GAPVD1: variants seen among roughly 807,000 people sequenced by gnomAD.
GAPVD1 encodes GTPase activating protein and VPS9 domains 1, also known as GTPase-activating protein and VPS9 domain-containing protein 1.
A neutral mutation model predicts 155.5 loss-of-function variants in GAPVD1; 35 were observed. The observed-to-expected ratio is 0.23, with a 90% CI of 0.17 to 0.30. GAPVD1 has a LOEUF of 0.30. GAPVD1 is among the 10% of genes least tolerant of loss of function. GAPVD1 has a pLI of 1.00. For missense variants in GAPVD1, 1,429 were observed against 1,775.7 expected (o/e 0.80, Z 3.51); for synonymous variants, 636 against 619.7 (o/e 1.03, Z -0.39).
At position 125,367,122 on chromosome 9, in the gene GAPVD1, A is replaced by ATTGTACATATAC. The variant is rs1851507401; in HGVS notation, c.*4376_*4377insTTGTACATATAC. On this transcript the variant is annotated 3_prime_UTR_variant, in exon 28 of 28. Transcript: ENST00000297933. ...TTGCACAATCTTGTATATGTACAGG[A>ATTGTACATATAC]AACCCCTCCTGTCTCCTAATGTGAT... 1 of 152,332 alleles carries ATTGTACATATAC rather than the reference A, an allele frequency of 6.6e-6. No individual in the cohort carries two copies. The highest frequency in any genetic ancestry group is 2.4e-5 in the African/African-American group (1 of 41,598). The allele number at this position is 152,332 out of a possible 1,614,324, so 9.4% of individuals were successfully genotyped here. A position where few individuals can be genotyped will look rare whatever the true frequency, so the allele number is the denominator to read the frequency against.
At chr9:125,357,990 C>A (rs1158791021) in intron 25 of GAPVD1, among the ~76,000 whole-genome samples, 2 of 151,198 alleles carry the variant, frequency 1.3e-5, no homozygotes, top group African/African-American at 2.4e-5. Flanking sequence ...AAAAAAAACA[C>A]ACACACACAC....
chr9:125,283,799 A>C (rs1837191697), intron 2 of GAPVD1, among the ~76,000 whole-genome samples: 1 of 152,116 alleles, frequency 6.6e-6, no homozygotes, highest in South Asian at 2.1e-4. Context: ...TACCTTAGAG[A>C]CCTTCTCTTT....
At chr9:125,265,223 T>G (rs1450939366) in intron 1 of GAPVD1, among the ~76,000 whole-genome samples, 1 of 152,188 alleles carries the variant, frequency 6.6e-6, no homozygotes, top group Non-Finnish European at 1.5e-5. Flanking sequence ...TTTTACTGTG[T>G]GATCCTAGGT....
chr9:125,342,421 G>C, intron 19 of GAPVD1, 122 bp downstream of exon 19: 1 of 666,968 alleles, frequency 1.5e-6, no homozygotes, highest in Non-Finnish European at 2.7e-6. Flanking sequence ...ACAGTGGGGA[G>C]TATGTTCTTC....
intron 17 of GAPVD1, among the ~76,000 whole-genome samples, chr9:125,340,113 C>T (rs1299694611): frequency 2.0e-5 from 3 of 152,080 alleles, no homozygotes; most frequent in African/African-American, 4.8e-5. Flanking sequence ...CTCCACCTCC[C>T]GGGTTCAAGT....
chr9:125,295,367 G>A (rs1341713108), intron 2 of GAPVD1, 91 bp from the exon 3 acceptor site: 2 of 150,816 alleles, frequency 1.3e-5, no homozygotes, highest in African/African-American at 2.4e-5. Context: ...TATTATAGTG[G>A]TGTCTTAGAA....
At chr9:125,333,485 C>CTTTTTT (rs36083522) in intron 15 of GAPVD1, among the ~76,000 whole-genome samples, 2 of 124,360 alleles carry the variant, frequency 1.6e-5, no homozygotes, top group Non-Finnish European at 3.4e-5. Context: ...TACCTTTTGT[C>CTTTTTT]TTTTTTTTTT....
intron 18 of GAPVD1, 48 bp from the exon 19 acceptor site, chr9:125,342,171 T>A (rs1847920902): frequency 1.1e-6 from 1 of 891,174 alleles, no homozygotes; most frequent in African/African-American, 1.7e-5. Context: ...AACTTCCGAG[T>A]AGTGCAGTAT....
chr9:125,266,462 C>T (rs915897377), intron 1 of GAPVD1, among the ~76,000 whole-genome samples: 4 of 151,706 alleles, frequency 2.6e-5, no homozygotes, highest in Non-Finnish European at 4.4e-5. Flanking sequence ...TACAGGCGCC[C>T]GCCACCATGC....
At chr9:125,327,875 T>G (rs1452087823) in intron 12 of GAPVD1, among the ~76,000 whole-genome samples, 1 of 152,184 alleles carries the variant, frequency 6.6e-6, no homozygotes, top group African/African-American at 2.4e-5. Context: ...ATCACTCAGT[T>G]TCAGGAGTTA....
intron 2 of GAPVD1, among the ~76,000 whole-genome samples, chr9:125,273,429 C>T (rs562860905): frequency 6.6e-6 from 1 of 150,950 alleles, no homozygotes; most frequent in East Asian, 1.9e-4. Flanking sequence ...TTGAGTGTTT[C>T]AGTAATTGCA....
chr9:125,333,658 T>C (rs989759555), intron 15 of GAPVD1, among the ~76,000 whole-genome samples: 12 of 152,010 alleles, frequency 7.9e-5, no homozygotes, highest in Non-Finnish European at 1.6e-4. Context: ...CCAGCTAATT[T>C]TGTATTTTTA....
intron 2 of GAPVD1, among the ~76,000 whole-genome samples, chr9:125,293,526 T>C (rs1433910954): frequency 7.2e-6 from 1 of 138,984 alleles, no homozygotes. Flanking sequence ...CTCAGTTGAC[T>C]CTAACCTCTG....
rs890673948 is a variant in GAPVD1 at position 125,366,647 on chromosome 9, G to A, written c.*3901G>A. On this transcript the variant is annotated 3_prime_UTR_variant, in exon 28 of 28. Transcript: ENST00000297933. Reference sequence around the variant, plus strand: ...TATCTTGAAGCCCAAAGGATTTTTAGTAAGTGGATTAACAGTGATGAGGTA... The same window carrying A: ...TATCTTGAAGCCCAAAGGATTTTTAATAAGTGGATTAACAGTGATGAGGTA... 1.3e-5 allele frequency: 2 copies of A among 152,202 alleles called. No individual in the cohort carries two copies. The highest frequency in any genetic ancestry group is 2.9e-5 in the Non-Finnish European group (2 of 68,036). 9.4% of individuals were successfully genotyped at this position (152,202 alleles called of 1,614,324 possible). A position where few individuals can be genotyped will look rare whatever the true frequency, so the allele number is the denominator to read the frequency against.
At position 125,323,843 on chromosome 9, in the gene GAPVD1, G is replaced by C. The variant is rs1328046949; in HGVS notation, c.1778G>C (p.Gly593Ala). 1.2e-6 allele frequency: 2 copies of C among 1,612,936 alleles called. No individual in the cohort carries two copies. Among genetic ancestry groups the C allele is most frequent in the African/African-American group, 1.3e-5 (1 of 74,882 alleles). Residue 593 changes from glycine (G) to alanine (A), a missense_variant, in exon 11 of 28, where the codon GGA (glycine) becomes GCA (alanine). By Grantham distance (60) the Gly-to-Ala change is moderately conservative. Coordinates refer to ENST00000297933, the MANE Select transcript of GAPVD1 (RefSeq NM_001282680.3). ...TCAGTGTCCTCCCTAGACCTAGAAGGAGAGTCTGTGTCAGAACTTGGAGCA... is the reference window on the plus strand; with the variant it reads ...TCAGTGTCCTCCCTAGACCTAGAAGCAGAGTCTGTGTCAGAACTTGGAGCA... ...SNSVSSLDLE[G>A]ESVSELGAGP...
intron 20 of GAPVD1, among the ~76,000 whole-genome samples, chr9:125,347,715 T>G (rs1341416896): frequency 1.9e-5 from 2 of 107,104 alleles, no homozygotes; most frequent in African/African-American, 1.1e-4. Context: ...AGCAAGACCC[T>G]GTCTCAAAAA....
rs1330048428 is a variant in GAPVD1 at position 125,363,848 on chromosome 9, G to A, written c.*1102G>A. 6.6e-6 allele frequency: 1 copy of A among 152,494 alleles called. No individual in the cohort carries two copies. The allele number at this position is 152,494 out of a possible 1,614,324, so 9.4% of individuals were successfully genotyped here. A position where few individuals can be genotyped will look rare whatever the true frequency, so the allele number is the denominator to read the frequency against. On this transcript the variant is annotated 3_prime_UTR_variant, in exon 28 of 28. Coordinates refer to ENST00000297933, the MANE Select transcript of GAPVD1 (RefSeq NM_001282680.3). ...TCTTATGGAAAAAAATATCTATTTT[G>A]GCAGGTTTCTGTGCCTTTATTTCCC...
intron 2 of GAPVD1, among the ~76,000 whole-genome samples, chr9:125,284,990 A>G (rs1387907842): frequency 1.3e-5 from 2 of 152,194 alleles, no homozygotes; most frequent in Non-Finnish European, 2.9e-5. Flanking sequence ...TGTAATTCAT[A>G]AATTTCACCT....
chr9:125,346,705 T>A (rs752600655), intron 19 of GAPVD1, 114 bp from the exon 20 acceptor site: 2 of 848,328 alleles, frequency 2.4e-6, no homozygotes, highest in Non-Finnish European at 4.1e-6. Context: ...ATATGTGCTC[T>A]TTTTAAGTCT....
Sources: allele counts gnomAD v4.1 joint callset (sites outside exome capture counted in the v4.1 genomes callset), GRCh38; gene constraint gnomAD v4.1.1; transcripts MANE v1.5; gene names NCBI Gene and HGNC (gene_info 2026-07-23, HGNC 2026-07-21).